CNDP1: variants seen among roughly 807,000 people sequenced by gnomAD.
CNDP1 encodes the protein beta-Ala-His dipeptidase.
In CNDP1, 44 loss-of-function variants were observed where a neutral mutation model predicts 58.1. The ratio of observed to expected loss-of-function variants is 0.76; its 90% CI spans 0.60 to 0.97. The LOEUF (loss-of-function observed/expected upper bound fraction) is 0.97. Among genes scored for constraint, CNDP1 ranks in the 50% least tolerant of loss-of-function variants. CNDP1 has a pLI of 0.00. For missense variants in CNDP1, 616 were observed against 655.1 expected (o/e 0.94, Z 0.65); for synonymous variants, 254 against 252.6 (o/e 1.01, Z -0.05).
At chr18:74,550,575 T>C (rs371360814) in intron 1 of CNDP1, among the ~76,000 whole-genome samples, 1 of 146,988 alleles carries the variant, frequency 6.8e-6, no homozygotes, top group African/African-American at 2.6e-5. Flanking sequence ...AAAGGCATTA[T>C]TGAATTTTTT....
chr18:74,565,941 C>T (rs925842352), intron 5 of CNDP1, among the ~76,000 whole-genome samples: 8 of 152,240 alleles, frequency 5.3e-5, no homozygotes, highest in Admixed American at 5.2e-4. Context: ...AAACTTTTGC[C>T]TGGGCATCCA....
intron 1 of CNDP1, among the ~76,000 whole-genome samples, chr18:74,541,858 G>T (rs1285070707): frequency 6.6e-6 from 1 of 152,214 alleles, no homozygotes; most frequent in African/African-American, 2.4e-5. Flanking sequence ...TACCTTTCAT[G>T]GTACACGTGG....
Position 74,584,573 on chromosome 18 carries a change from C to A in CNDP1, c.*11C>A, listed in dbSNP as rs371132641. 3 of 1,607,464 alleles carry A rather than the reference C, an allele frequency of 1.9e-6. No individual in the cohort carries two copies. The highest frequency in any genetic ancestry group is 2.6e-6 in the Non-Finnish European group (3 of 1,173,990). On this transcript the variant is annotated 3_prime_UTR_variant, in exon 12 of 12. Coordinates refer to ENST00000358821, the MANE Select transcript of CNDP1 (RefSeq NM_032649.6). ...GCCCAGCTCCATTAATCACAAGAAC[C>A]TTCTAGTCTGATCTGATCCACTGAC...
chr18:74,563,724 A>C (rs965926622), intron 5 of CNDP1, among the ~76,000 whole-genome samples: 7 of 152,110 alleles, frequency 4.6e-5, no homozygotes, highest in Non-Finnish European at 1.0e-4. Flanking sequence ...CTCTTAGGAC[A>C]CATTCCCTCC....
intron 10 of CNDP1, among the ~76,000 whole-genome samples, chr18:74,581,781 A>G (rs1981797119): frequency 6.6e-6 from 1 of 152,192 alleles, no homozygotes; most frequent in South Asian, 2.1e-4. Flanking sequence ...CCTGCCAACA[A>G]TAGCAGAATG....
At chr18:74,568,257 G>A (rs1173246903) in intron 6 of CNDP1, among the ~76,000 whole-genome samples, 1 of 152,202 alleles carries the variant, frequency 6.6e-6, no homozygotes, top group Non-Finnish European at 1.5e-5. Flanking sequence ...AAACACACAT[G>A]GCTATGCGTG....
chr18:74,582,885 G>A (rs1440479833), intron 10 of CNDP1, among the ~76,000 whole-genome samples: 1 of 152,168 alleles, frequency 6.6e-6, no homozygotes, highest in Admixed American at 6.5e-5. Context: ...TACATAAGAC[G>A]TTCATATCAG....
intron 1 of CNDP1, among the ~76,000 whole-genome samples, chr18:74,543,382 A>T (rs1011066260): frequency 7.9e-5 from 12 of 152,134 alleles, no homozygotes; most frequent in Non-Finnish European, 1.6e-4. Context: ...AGTCCCAGCT[A>T]CTTAAGAGGC....
chr18:74,567,232 G>C lies in CNDP1; in HGVS notation c.556-1G>C, dbSNP rs778396198. On this transcript the variant is annotated splice_acceptor_variant, in intron 5 of 11. Transcript: ENST00000358821. LOFTEE classifies it high-confidence loss of function. ...AATTTTTTTCTTCTGTTGTTACTTA[G>C]GATCTTCCTGTGAATATCAAATTCA... 10 of 1,613,696 alleles carry C rather than the reference G, an allele frequency of 6.2e-6. No homozygotes were observed. The highest frequency in any genetic ancestry group is 8.5e-6 in the Non-Finnish European group (10 of 1,179,642).
intron 2 of CNDP1, among the ~76,000 whole-genome samples, chr18:74,558,312 C>T (rs915100488): frequency 6.6e-6 from 1 of 152,056 alleles, no homozygotes; most frequent in Non-Finnish European, 1.5e-5. Flanking sequence ...GGAGTGGCTG[C>T]CAGGTGCTGG....
chr18:74,560,026 T>TTTTTC, intron 3 of CNDP1, among the ~76,000 whole-genome samples: 1 of 150,560 alleles, frequency 6.6e-6, no homozygotes, highest in Admixed American at 6.6e-5. Context: ...TTTTTTTTTT[T>TTTTTC]TGAGACAGAG....
rs1298454935 is a variant in CNDP1, at chr18:74,579,181, CTCCCTTT to C, written c.1167+855_1167+861del. 8.3e-5 allele frequency among the ~76,000 whole-genome samples: 10 copies of C among 119,778 alleles called. No individual in the cohort carries two copies. The South Asian group carries it at 1.0e-3, about 12-fold the overall frequency. 78.6% of individuals were successfully genotyped at this position (119,778 alleles called of 152,430 possible). Reference sequence around the variant, plus strand: ...CTCCTCCCTCTCTCCCTTCTCCCTTCTCCCTTTCCTTCCCTTCCCTTGCCTTCCCTTC... The same window carrying C: ...CTCCTCCCTCTCTCCCTTCTCCCTTCCCTTCCCTTCCCTTGCCTTCCCTTC... On this transcript the variant is annotated intron_variant, in intron 9 of 11. Transcript: ENST00000358821.
chr18:74,544,297 A>G (rs1599085976), intron 1 of CNDP1, among the ~76,000 whole-genome samples: 1 of 152,198 alleles, frequency 6.6e-6, no homozygotes, highest in African/African-American at 2.4e-5. Context: ...ATCTTATTCT[A>G]TGATAGACAG....
chr18:74,577,235 C>T (rs749145168), intron 8 of CNDP1: 9 of 395,960 alleles, frequency 2.3e-5, no homozygotes, highest in Admixed American at 4.5e-5. Context: ...CTAATTGGCA[C>T]TGGCTTCTGG....
chr18:74,560,760 T>C, intron 3 of CNDP1, 96 bp from the exon 4 acceptor site: 2 of 1,132,362 alleles, frequency 1.8e-6, no homozygotes, highest in African/African-American at 1.5e-5. Context: ...GCTCAGTTTC[T>C]CCCAATGTCA....
intron 1 of CNDP1, among the ~76,000 whole-genome samples, chr18:74,553,299 A>G (rs1356653960): frequency 6.6e-6 from 1 of 152,052 alleles, no homozygotes; most frequent in Non-Finnish European, 1.5e-5. Context: ...CAATTTATCG[A>G]TCCTGTCTTT....
chr18:74,552,206 A>G lies in CNDP1; in HGVS notation c.25-4132A>G, dbSNP rs556936987. Among the ~76,000 whole-genome samples, 17 of 152,328 alleles carry G rather than the reference A, an allele frequency of 1.1e-4. No homozygotes were observed. In the South Asian group the frequency reaches 2.7e-3, roughly 24 times the overall value. On this transcript the variant is annotated intron_variant, in intron 1 of 11. Transcript: ENST00000358821. ...AACCACTGTATAGCTTCCTCTATCT[A>G]CAGTTCTCATATTCAATAATATATT...
Position 74,534,545 on chromosome 18 carries a change from G to T in CNDP1, c.-123G>T. On this transcript the variant is annotated 5_prime_UTR_variant, in exon 1 of 12. Transcript: ENST00000358821. The stretch of plus-strand genomic sequence containing the variant: ...TACCAGCCTCGTCTTCCTTCCGGGG[G>T]ACAACGTGGGTCAGGGCACAGAGAG... The T allele has an allele frequency of 3.0e-6, 3 of 993,762 alleles. No homozygotes were observed. The highest frequency in any genetic ancestry group is 4.7e-6 in the Non-Finnish European group (3 of 635,386). The allele number at this position is 993,762 out of a possible 1,614,324, so 61.6% of individuals were successfully genotyped here. A position where few individuals can be genotyped will look rare whatever the true frequency, so the allele number is the denominator to read the frequency against.
At chr18:74,559,598 A>C in intron 3 of CNDP1, 126 bp downstream of exon 3, 1 of 811,164 alleles carries the variant, frequency 1.2e-6, no homozygotes. Context: ...CCCAATTCCC[A>C]ATGAAGATGA....
Sources: gnomAD v4.1 joint callset for allele counts (sites outside exome capture counted in the v4.1 genomes callset) on GRCh38, gnomAD v4.1.1 for gene constraint, MANE v1.5 for transcripts, NCBI Gene and HGNC (gene_info 2026-07-23, HGNC 2026-07-21) for gene names.